Variants in DLG2 observed in about 807,000 individuals in gnomAD.
The protein encoded by DLG2 is discs large MAGUK scaffold protein 2, also known as disks large homolog 2.
A neutral mutation model predicts 132.5 loss-of-function variants in DLG2; 45 were observed. The ratio of observed to expected loss-of-function variants is 0.34; its 90% CI spans 0.27 to 0.44. The LOEUF is 0.44. DLG2 is among the 20% of genes least tolerant of loss of function. The pLI is 1.00. For synonymous variants in DLG2, 424 were observed against 419.6 expected (o/e 1.01, Z -0.13); for missense variants, 1,045 against 1,196.9 (o/e 0.87, Z 1.87).
intron 7 of DLG2, among the ~76,000 whole-genome samples, chr11:84,499,570 G>A (rs1375443440): frequency 6.6e-6 from 1 of 152,190 alleles, no homozygotes; most frequent in African/African-American, 2.4e-5. Flanking sequence ...TATCTTGGAT[G>A]AAAATGCTTT....
chr11:84,492,833 C>T (rs192980475), intron 7 of DLG2, among the ~76,000 whole-genome samples: 7 of 152,144 alleles, frequency 4.6e-5, no homozygotes, highest in Non-Finnish European at 8.8e-5. Flanking sequence ...TGTGATTTTG[C>T]ACTTAAGTTC....
rs558235943 is a variant in DLG2 at position 83,842,987 on chromosome 11, T to C, written c.1566-9217A>G. On this transcript the variant is annotated intron_variant, in intron 16 of 27. Coordinates refer to ENST00000376104, the MANE Select transcript of DLG2 (RefSeq NM_001142699.3). ...GTATTGGGTAGTGGGAATTAAGATA[T>C]AAATATGTTTTCATTGATCTTTCTA... is the stretch of plus-strand genomic sequence containing the variant. 2.6e-5 allele frequency among the ~76,000 whole-genome samples: 4 copies of C among 152,256 alleles called. No homozygotes were observed. The South Asian group carries it at 6.2e-4, about 24-fold the overall frequency.
intron 21 of DLG2, among the ~76,000 whole-genome samples, chr11:83,511,073 A>AACACACACACACAC (rs142149345): frequency 9.5e-4 from 84 of 88,474 alleles, no homozygotes; most frequent in African/African-American, 3.3e-3. Flanking sequence ...CACTTGCTCA[A>AACACACACACACAC]ACACACACAC....
chr11:84,127,889 A>G (rs1051704840), intron 9 of DLG2, among the ~76,000 whole-genome samples: 2 of 152,182 alleles, frequency 1.3e-5, no homozygotes, highest in Non-Finnish European at 2.9e-5. Flanking sequence ...CTTTTCAAAT[A>G]AGATCATGTT....
rs182700731 is a variant in DLG2, at chr11:83,642,549, A to T, written c.1826-9224T>A. 2.6e-5 allele frequency among the ~76,000 whole-genome samples: 4 copies of T among 152,350 alleles called. No homozygotes were observed. The East Asian group carries it at 7.7e-4, about 29-fold the overall frequency. On this transcript the variant is annotated intron_variant, in intron 18 of 27. Coordinates refer to ENST00000376104, the MANE Select transcript of DLG2 (RefSeq NM_001142699.3). ...ATCTGAATCCCTAACTAGCTATTTC[A>T]TATAATATGCATATAACTCTGAAAA...
At chr11:85,523,983 T>TG (rs2074536008) in intron 3 of DLG2, among the ~76,000 whole-genome samples, 1 of 152,162 alleles carries the variant, frequency 6.6e-6, no homozygotes, top group Non-Finnish European at 1.5e-5. Flanking sequence ...AGCCAGGCAC[T>TG]GAAAGACCAC....
intron 18 of DLG2, among the ~76,000 whole-genome samples, chr11:83,747,933 A>G (rs1177334427): frequency 1.3e-5 from 2 of 152,316 alleles, no homozygotes; most frequent in Admixed American, 1.3e-4. Flanking sequence ...CCTTGTAATA[A>G]TCATATGACA....
At chr11:84,092,504 T>G (rs971033950) in intron 10 of DLG2, among the ~76,000 whole-genome samples, 1 of 152,320 alleles carries the variant, frequency 6.6e-6, no homozygotes, top group South Asian at 2.1e-4. Flanking sequence ...AACCTTGGTC[T>G]TTGACTCCAA....
intron 18 of DLG2, among the ~76,000 whole-genome samples, chr11:83,701,637 C>A (rs1485053766): frequency 2.6e-5 from 4 of 152,106 alleles, no homozygotes; most frequent in Non-Finnish European, 5.9e-5. Flanking sequence ...CCGGGACATA[C>A]AAAGGAAGTG....
chr11:84,981,811 C>T (rs2055790168), intron 6 of DLG2, among the ~76,000 whole-genome samples: 1 of 152,216 alleles, frequency 6.6e-6, no homozygotes, highest in African/African-American at 2.4e-5. Context: ...ACTGTTTCTA[C>T]TTCCTCACCT....
chr11:85,350,084 AC>A (rs2083165203), intron 3 of DLG2, among the ~76,000 whole-genome samples: 2 of 152,118 alleles, frequency 1.3e-5, no homozygotes, highest in Admixed American at 1.3e-4. Flanking sequence ...TTGTTTCCTG[AC>A]TTTTTAATGA....
At chr11:84,850,065 G>T (rs772825493) in intron 6 of DLG2, among the ~76,000 whole-genome samples, 6 of 151,770 alleles carry the variant, frequency 4.0e-5, no homozygotes, top group African/African-American at 7.3e-5. Context: ...TTCCTTGATG[G>T]TAAAAAACCA....
In DLG2 at chr11:83,751,977, G is replaced by A. The variant is rs189236395; in HGVS notation, c.1825+34713C>T. Among the ~76,000 whole-genome samples the A allele has an allele frequency of 3.3e-5, 5 of 152,282 alleles. No homozygotes were observed. The East Asian group carries it at 9.6e-4, about 29-fold the overall frequency. On this transcript the variant is annotated intron_variant, in intron 18 of 27. Coordinates refer to ENST00000376104, the MANE Select transcript of DLG2 (RefSeq NM_001142699.3). Reference sequence around the variant, plus strand: ...CAAGGGAGTAGGTAGAGATAAAAAAGAGAGGACTTGCCTGGCTGCGGTGGC... The same window carrying A: ...CAAGGGAGTAGGTAGAGATAAAAAAAAGAGGACTTGCCTGGCTGCGGTGGC...
At chr11:83,972,755 G>A (rs539460453) in intron 12 of DLG2, among the ~76,000 whole-genome samples, 2 of 152,198 alleles carry the variant, frequency 1.3e-5, no homozygotes, top group Admixed American at 6.6e-5. Context: ...TTGAGTCAGA[G>A]AGTAAAGCAA....
At chr11:83,585,566 T>C (rs905937274) in intron 19 of DLG2, among the ~76,000 whole-genome samples, 4 of 152,238 alleles carry the variant, frequency 2.6e-5, no homozygotes, top group African/African-American at 7.2e-5. Context: ...TCTTGTGACG[T>C]AGGATTTGGG....
At chr11:84,287,731 C>G (rs1399615592) in intron 7 of DLG2, among the ~76,000 whole-genome samples, 2 of 126,596 alleles carry the variant, frequency 1.6e-5, no homozygotes, top group African/African-American at 6.1e-5. Flanking sequence ...CCATATTTTT[C>G]TCTCTCTTAG....
At chr11:84,376,556 C>T (rs1320212197) in intron 7 of DLG2, among the ~76,000 whole-genome samples, 12 of 151,736 alleles carry the variant, frequency 7.9e-5, no homozygotes, top group Admixed American at 2.0e-4. Context: ...CTAGAAAAAG[C>T]CAAGTCTAAA....
At position 83,874,540 on chromosome 11, in the gene DLG2, TTA is replaced by T. The variant is rs765292899; in HGVS notation, c.1497-54_1497-53del. On this transcript the variant is annotated intron_variant, in intron 15 of 27. Coordinates refer to ENST00000376104, the MANE Select transcript of DLG2 (RefSeq NM_001142699.3). ...CATCATTTATTTATTTTTTATTTTTTTATTTTTTTATTATACTTTAAGTTTTA... is the reference window on the plus strand; with the variant it reads ...CATCATTTATTTATTTTTTATTTTTTTTTTTTTATTATACTTTAAGTTTTA... 22 of 1,389,522 alleles carry T rather than the reference TTA, an allele frequency of 1.6e-5. No individual in the cohort carries two copies. In the African/African-American group the frequency reaches 2.4e-4, roughly 15 times the overall value. 86.1% of individuals were successfully genotyped at this position (1,389,522 alleles called of 1,614,324 possible).
chr11:85,473,725 G>T (rs1422117499), intron 3 of DLG2, among the ~76,000 whole-genome samples: 14 of 151,956 alleles, frequency 9.2e-5, no homozygotes, highest in Admixed American at 8.5e-4. Context: ...CCTAGAGGTA[G>T]ACTTGTAGAA....
Sources: allele counts gnomAD v4.1 joint callset (sites outside exome capture counted in the v4.1 genomes callset), GRCh38; gene constraint gnomAD v4.1.1; transcripts MANE v1.5; gene names NCBI Gene and HGNC (gene_info 2026-07-23, HGNC 2026-07-21).